Variants in MBD5 observed in about 807,000 individuals in gnomAD.
MBD5 encodes the protein methyl-CpG-binding domain protein 5.
Under a neutral mutation model 117.3 loss-of-function variants are expected in MBD5, and 13 were observed. The observed-to-expected ratio is 0.11, with a 90% CI of 0.07 to 0.18. The LOEUF (loss-of-function observed/expected upper bound fraction) is 0.18. Among genes scored for constraint, MBD5 ranks in the 10% least tolerant of loss-of-function variants. MBD5 has a pLI of 1.00. For synonymous variants in MBD5, 727 were observed against 766.4 expected (o/e 0.95, Z 0.85); for missense variants, 1,879 against 2,093.8 (o/e 0.90, Z 2.00).
In MBD5 at chr2:148,180,986, A is replaced by G. The variant is rs562935867; in HGVS notation, c.-831+2193A>G. Among the ~76,000 whole-genome samples the G allele has an allele frequency of 4.4e-4, 67 of 152,298 alleles. No homozygotes were observed. In the East Asian group the frequency reaches 9.1e-3, roughly 21 times the overall value. ...TATGAGAAATTTCAAATAAATGAAAAGGAAAAGAGAGAATATTATGAACCG... is the reference window on the plus strand; with the variant it reads ...TATGAGAAATTTCAAATAAATGAAAGGGAAAAGAGAGAATATTATGAACCG... On this transcript the variant is annotated intron_variant, in intron 2 of 13. Transcript: ENST00000642680.
intron 1 of MBD5, chr2:148,055,418 C>CTTTTTT (rs56877252): frequency 1.7e-3 from 233 of 140,422 alleles, no homozygotes; most frequent in Middle Eastern, 3.7e-3. Flanking sequence ...ATAGGTTTTT[C>CTTTTTT]TTTTTTTTTT....
intron 7 of MBD5, 69 bp downstream of exon 7, chr2:148,463,988 G>A (rs531799429): frequency 1.3e-6 from 2 of 1,516,080 alleles, no homozygotes; most frequent in African/African-American, 2.8e-5. Context: ...AAATCATTTT[G>A]CCTAGCATTT....
intron 7 of MBD5, among the ~76,000 whole-genome samples, chr2:148,465,985 A>G (rs1707248823): frequency 6.6e-6 from 1 of 152,138 alleles, no homozygotes; most frequent in Admixed American, 6.6e-5. Context: ...AAGTTTAATT[A>G]TTGAAATTAA....
At chr2:148,146,093 A>G (rs7595286) in intron 1 of MBD5, among the ~76,000 whole-genome samples, 48,938 of 152,078 alleles carry the variant, frequency 0.32, 8,657 homozygotes, top group East Asian at 0.46. Flanking sequence ...ACACTGCAGA[A>G]CATTTAACAA....
intron 1 of MBD5, among the ~76,000 whole-genome samples, chr2:148,043,452 CAAATAAATAAATAAAT>C (rs137863555): frequency 7.0e-6 from 1 of 142,854 alleles, no homozygotes; most frequent in East Asian, 2.1e-4. Flanking sequence ...GACTCCTTCT[CAAATAAATAAATAAAT>C]AAATAAATAA....
intron 1 of MBD5, among the ~76,000 whole-genome samples, chr2:148,118,435 A>AAATATATAT (rs1021339753): frequency 6.7e-6 from 1 of 148,490 alleles, no homozygotes; most frequent in African/African-American, 2.5e-5. Context: ...CATAAAAAAA[A>AAATATATAT]ATATATATAT....
At chr2:148,129,006 C>G (rs1480826326) in intron 1 of MBD5, among the ~76,000 whole-genome samples, 6 of 152,092 alleles carry the variant, frequency 3.9e-5, no homozygotes, top group African/African-American at 1.2e-4. Context: ...AAGCTTTAGT[C>G]TATTTATTTT....
chr2:148,047,838 A>G (rs1209958609), intron 1 of MBD5, among the ~76,000 whole-genome samples: 1 of 152,184 alleles, frequency 6.6e-6, no homozygotes, highest in Non-Finnish European at 1.5e-5. Context: ...TAAGATGGTA[A>G]GGGCTTCCTA....
intron 4 of MBD5, among the ~76,000 whole-genome samples, chr2:148,366,018 A>G (rs565144629): frequency 6.6e-6 from 1 of 152,334 alleles, no homozygotes; most frequent in South Asian, 2.1e-4. Flanking sequence ...GCAGAGACAC[A>G]ACAGAAATAC....
In MBD5 at chr2:148,489,825, G is replaced by C; in HGVS notation, c.4193G>C (p.Arg1398Pro). Reference sequence around the variant, plus strand: ...AGGCTGAGGAATTCAAGAGGGGCTCGGCTGCCCAAGAATCTAGACCATGGG... The same window carrying C: ...AGGCTGAGGAATTCAAGAGGGGCTCCGCTGCCCAAGAATCTAGACCATGGG... ...DGRLRNSRGA[R>P]LPKNLDHGKN... The change falls in exon 11 of 14, where the codon CGG becomes CCG. Residue 1398 changes from arginine to proline, a missense_variant. Arg to Pro is a moderately radical substitution (Grantham distance 103). This residue lies in a region of MBD5 where 1,666 missense variants were observed against 1,792.2 expected (regional missense o/e 0.93). Coordinates refer to ENST00000642680, the MANE Select transcript of MBD5 (RefSeq NM_001378120.1). 1 of 1,614,086 alleles carries C rather than the reference G, an allele frequency of 6.2e-7. No individual in the cohort carries two copies. The highest frequency in any genetic ancestry group is 1.1e-5 in the South Asian group (1 of 91,072).
intron 1 of MBD5, among the ~76,000 whole-genome samples, chr2:148,118,595 GA>G (rs753563585): frequency 0.013 from 1,792 of 139,898 alleles, 14 homozygotes; most frequent in Middle Eastern, 0.044. Context: ...GGTGAAAAAA[GA>G]AAAAAAAAAA....
chr2:148,041,889 C>G (rs1694369830), intron 1 of MBD5, among the ~76,000 whole-genome samples: 3 of 152,138 alleles, frequency 2.0e-5, no homozygotes, highest in Admixed American at 2.0e-4. Context: ...AAAGTCTTAA[C>G]ATGGAAATAT....
chr2:148,258,887 C>A (rs1421337825), intron 3 of MBD5, among the ~76,000 whole-genome samples: 1 of 152,138 alleles, frequency 6.6e-6, no homozygotes, highest in Non-Finnish European at 1.5e-5. Flanking sequence ...CTGCCAGTGG[C>A]CTTCTGCTTC....
Position 148,325,776 on chromosome 2 carries a change from A to C in MBD5, c.-679-16438A>C, listed in dbSNP as rs1043272065. 4.6e-5 allele frequency among the ~76,000 whole-genome samples: 7 copies of C among 151,776 alleles called. No individual in the cohort carries two copies. The East Asian group carries it at 7.7e-4, about 17-fold the overall frequency. Reference sequence around the variant, plus strand: ...GGTCTATCAATTTTGTTGATCCTTTAAAAAAACCAGCTCCTGGATTCGTTA... The same window carrying C: ...GGTCTATCAATTTTGTTGATCCTTTCAAAAAACCAGCTCCTGGATTCGTTA... On this transcript the variant is annotated intron_variant, in intron 3 of 13. Coordinates refer to ENST00000642680, the MANE Select transcript of MBD5 (RefSeq NM_001378120.1).
intron 3 of MBD5, among the ~76,000 whole-genome samples, chr2:148,234,181 TA>T (rs1471291762): frequency 6.6e-6 from 1 of 152,118 alleles, no homozygotes; most frequent in South Asian, 2.1e-4. Flanking sequence ...AAAATAAAAA[TA>T]TACACTTTTA....
intron 1 of MBD5, among the ~76,000 whole-genome samples, chr2:148,161,187 A>G (rs891206928): frequency 1.3e-5 from 2 of 152,214 alleles, no homozygotes; most frequent in Admixed American, 6.5e-5. Flanking sequence ...AGTGGGCAAT[A>G]TGTGACCACA....
intron 1 of MBD5, among the ~76,000 whole-genome samples, chr2:148,073,866 CTAT>C (rs1695422051): frequency 6.6e-6 from 1 of 152,120 alleles, no homozygotes; most frequent in South Asian, 2.1e-4. Flanking sequence ...GCCATAACTA[CTAT>C]GTGGCTGGTA....
At position 148,468,386 on chromosome 2, in the gene MBD5, T is replaced by G. The variant is rs1179220331; in HGVS notation, c.443T>G (p.Val148Gly). Residue 148 changes from valine (V) to glycine (G), a missense_variant, in exon 8 of 14, where the codon GTA becomes GGA. Val to Gly is a moderately radical substitution (Grantham distance 109). This residue lies in a region of MBD5 where 1,666 missense variants were observed against 1,792.2 expected (regional missense o/e 0.93). Coordinates refer to ENST00000642680, the MANE Select transcript of MBD5 (RefSeq NM_001378120.1). ...TCTCGGGCAGCAACTCCAAGATCAG[T>G]AAGAAATAAGTCTCATGAAGGAATT... ...VPSRAATPRS[V>G]RNKSHEGITN... The G allele has an allele frequency of 6.2e-7, 1 of 1,613,668 alleles. No homozygotes were observed. The highest frequency in any genetic ancestry group is 8.5e-7 in the Non-Finnish European group (1 of 1,179,794).
chr2:148,445,442 C>T (rs1208238726), intron 4 of MBD5, among the ~76,000 whole-genome samples: 3 of 151,036 alleles, frequency 2.0e-5, no homozygotes, highest in Admixed American at 6.6e-5. Flanking sequence ...CAGCTTCATC[C>T]ATGTCCCTAC....
Sources: gnomAD v4.1 joint callset for allele counts (sites outside exome capture counted in the v4.1 genomes callset) on GRCh38, gnomAD v4.1.1 for gene constraint, gnomAD v4.1.1 regional missense constraint, MANE v1.5 for transcripts, NCBI Gene and HGNC (gene_info 2026-07-23, HGNC 2026-07-21) for gene names.